GPHN: variants seen among roughly 807,000 people sequenced by gnomAD.
GPHN encodes gephyrin.
Under a neutral mutation model 95.5 loss-of-function variants are expected in GPHN, and 17 were observed. That is an observed-to-expected ratio of 0.18 (90% confidence interval 0.12 to 0.27). The LOEUF (loss-of-function observed/expected upper bound fraction) is 0.27, where lower values mean the gene tolerates loss of function less well. Among genes scored for constraint, GPHN ranks in the 10% least tolerant of loss-of-function variants. GPHN has a pLI of 1.00. For missense variants in GPHN, 660 were observed against 978.1 expected, an observed-to-expected ratio of 0.67 and a Z score of 4.34; for synonymous variants, 320 against 322.5, an observed-to-expected ratio of 0.99 and a Z score of 0.08.
chr14:67,225,037 C>A, the GPHN span: 1 of 1,312,732 alleles, frequency 7.6e-7, no homozygotes, highest in Non-Finnish European at 1.0e-6. Context: ...TTTCCTCCTG[C>A]TTTTGGCTTT....
intron 1 of GPHN, among the ~76,000 whole-genome samples, chr14:66,570,446 C>T (rs767271344): frequency 7.2e-5 from 11 of 151,778 alleles, no homozygotes; most frequent in East Asian, 1.9e-4. Context: ...CTGGGATTAC[C>T]GGTGCCTACC....
chr14:66,569,636 C>G (rs2060598356), intron 1 of GPHN, among the ~76,000 whole-genome samples: 1 of 151,002 alleles, frequency 6.6e-6, no homozygotes, highest in Non-Finnish European at 1.5e-5. Context: ...GCACACCAGC[C>G]TAGGTGACAG....
intron 10 of GPHN, among the ~76,000 whole-genome samples, chr14:67,052,107 A>G (rs568426604): frequency 4.8e-4 from 73 of 152,302 alleles, no homozygotes; most frequent in African/African-American, 1.7e-3. Context: ...ATTCACAAAT[A>G]TATTAACCTT....
At chr14:66,605,622 C>G (rs1007028707) in intron 1 of GPHN, among the ~76,000 whole-genome samples, 1 of 151,462 alleles carries the variant, frequency 6.6e-6, no homozygotes, top group Admixed American at 6.6e-5. Flanking sequence ...CTCTGCCCCC[C>G]AGGTTAACAC....
the GPHN span, among the ~76,000 whole-genome samples, chr14:67,193,995 A>T: frequency 2.0e-5 from 3 of 151,552 alleles, no homozygotes; most frequent in Non-Finnish European, 4.4e-5. Flanking sequence ...AGAAAGAAAG[A>T]AATTAAGTGA....
rs1406831232 is a variant in GPHN at position 66,508,349 on chromosome 14, G to A, written c.-179G>A. The A allele has an allele frequency of 1.5e-6, 1 of 648,774 alleles. No individual in the cohort carries two copies. Among genetic ancestry groups the A allele is most frequent in the Non-Finnish European group, 2.8e-6 (1 of 363,232 alleles). 40.2% of individuals were successfully genotyped at this position (648,774 alleles called of 1,614,324 possible). ...CCGCGGACCCGCGCACTCCCGGCGC[G>A]GCCTCTCCCCCACGCAGGCCACCGT... On this transcript the variant is annotated 5_prime_UTR_variant, in exon 1 of 23. Transcript: ENST00000478722.
chr14:66,509,944 TC>T (rs1256164787), intron 1 of GPHN, among the ~76,000 whole-genome samples: 2 of 152,200 alleles, frequency 1.3e-5, no homozygotes, highest in African/African-American at 4.8e-5. Context: ...CCTCCTTTTT[TC>T]TCTTTTAAGT....
intron 2 of GPHN, among the ~76,000 whole-genome samples, chr14:66,730,241 A>G (rs1357032268): frequency 6.6e-6 from 1 of 152,210 alleles, no homozygotes; most frequent in African/African-American, 2.4e-5. Context: ...CAGTGTCCTT[A>G]GAGTCTGCTA....
the GPHN span, among the ~76,000 whole-genome samples, chr14:67,242,879 T>C: frequency 6.6e-6 from 1 of 152,210 alleles, no homozygotes; most frequent in Non-Finnish European, 1.5e-5. Flanking sequence ...TAATTTGTTT[T>C]AGAATGTTAA....
chr14:67,074,107 G>T (rs1302965097), intron 11 of GPHN, among the ~76,000 whole-genome samples: 3 of 151,810 alleles, frequency 2.0e-5, no homozygotes, highest in Non-Finnish European at 4.4e-5. Context: ...GTTTATTTTA[G>T]TATCTCATAA....
intron 10 of GPHN, among the ~76,000 whole-genome samples, chr14:67,041,540 C>T (rs1404846170): frequency 6.6e-6 from 1 of 152,164 alleles, no homozygotes; most frequent in East Asian, 1.9e-4. Flanking sequence ...CTGCAAAGGA[C>T]ATGAACTCAT....
the GPHN span, among the ~76,000 whole-genome samples, chr14:67,375,568 A>T: frequency 4.2e-3 from 636 of 152,292 alleles, 7 homozygotes; most frequent in Admixed American, 0.012. Context: ...ATTTTAAAAA[A>T]TCTTGCTTAA....
chr14:66,761,011 C>CA (rs1166229924), intron 2 of GPHN: 5 of 575,078 alleles, frequency 8.7e-6, no homozygotes, highest in Middle Eastern at 5.5e-4. Flanking sequence ...ATGGAAGATG[C>CA]TTCTTAAAAA....
chr14:67,171,155 C>T (rs72717325), intron 21 of GPHN, among the ~76,000 whole-genome samples: 7,737 of 151,956 alleles, frequency 0.051, 212 homozygotes, highest in Middle Eastern at 0.068. Flanking sequence ...TTGAGACCAG[C>T]CTGGGCAACA....
the GPHN span, among the ~76,000 whole-genome samples, chr14:67,323,111 CAT>C: frequency 5.9e-5 from 9 of 151,962 alleles, no homozygotes; most frequent in African/African-American, 1.7e-4. Flanking sequence ...TTTAATATCA[CAT>C]AGTTGTCATC....
chr14:66,883,848 A>T (rs776025970), intron 5 of GPHN, among the ~76,000 whole-genome samples: 2 of 152,012 alleles, frequency 1.3e-5, no homozygotes, highest in African/African-American at 2.4e-5. Context: ...TACTTATTTT[A>T]TACTGTCCCA....
chr14:66,647,967 G>A (rs1361708460), intron 1 of GPHN, among the ~76,000 whole-genome samples: 3 of 152,148 alleles, frequency 2.0e-5, no homozygotes, highest in Non-Finnish European at 4.4e-5. Context: ...CCACAGTGGA[G>A]CTATTCATAA....
At chr14:66,657,263 C>A (rs1409145360) in intron 1 of GPHN, among the ~76,000 whole-genome samples, 1 of 152,126 alleles carries the variant, frequency 6.6e-6, no homozygotes, top group Admixed American at 6.5e-5. Flanking sequence ...AGAAGTTGCA[C>A]AAGAAAAGTT....
chr14:66,605,922 GT>G (rs1280819516), intron 1 of GPHN, among the ~76,000 whole-genome samples: 2 of 152,034 alleles, frequency 1.3e-5, no homozygotes, highest in African/African-American at 4.8e-5. Flanking sequence ...TGCATAGTTT[GT>G]GAATATTTTC....
Sources: gnomAD v4.1 joint callset for allele counts (sites outside exome capture counted in the v4.1 genomes callset) on GRCh38, gnomAD v4.1.1 for gene constraint, MANE v1.5 for transcripts, NCBI Gene and HGNC (gene_info 2026-07-23, HGNC 2026-07-21) for gene names.